APH1B: variants seen among roughly 807,000 people sequenced by gnomAD.
APH1B encodes the protein aph-1B gamma-secretase subunit.
A neutral mutation model predicts 28.2 loss-of-function variants in APH1B; 27 were observed. The ratio of observed to expected loss-of-function variants is 0.96; its 90% CI spans 0.70 to 1.32. The LOEUF is 1.32. Ranked by LOEUF, APH1B falls within the 40% of genes most tolerant of loss-of-function variation. The probability of loss-of-function intolerance (pLI) is 0.00; values close to 1 mark genes in which losing one functional copy is unlikely to be tolerated. For synonymous variants in APH1B, 141 were observed against 124.6 expected (o/e 1.13, Z -0.88); for missense variants, 305 against 313.6 (o/e 0.97, Z 0.21).
intron 2 of APH1B, among the ~76,000 whole-genome samples, chr15:63,281,458 G>A (rs2038386694): frequency 6.7e-6 from 1 of 148,890 alleles, no homozygotes; most frequent in South Asian, 2.1e-4. Flanking sequence ...TCACAGCTCA[G>A]CCTCACATTG....
chr15:63,288,373 T>G (rs1458843278), intron 4 of APH1B, among the ~76,000 whole-genome samples: 1 of 152,198 alleles, frequency 6.6e-6, no homozygotes, highest in Non-Finnish European at 1.5e-5. Context: ...TTTTAAAAAT[T>G]TCTGCAGTAG....
At chr15:63,285,992 AG>A (rs1216524303) in intron 2 of APH1B, among the ~76,000 whole-genome samples, 4 of 152,250 alleles carry the variant, frequency 2.6e-5, no homozygotes, top group African/African-American at 7.2e-5. Flanking sequence ...TTTAAGAATA[AG>A]GAGAGATTAG....
chr15:63,284,218 C>CTT (rs34480156), intron 2 of APH1B, among the ~76,000 whole-genome samples: 132 of 138,140 alleles, frequency 9.6e-4, no homozygotes, highest in East Asian at 3.7e-3. Context: ...ATGTGCTTTG[C>CTT]TTTTTTTTTT....
At chr15:63,295,482 A>T (rs752496434) in intron 4 of APH1B, among the ~76,000 whole-genome samples, 1 of 152,220 alleles carries the variant, frequency 6.6e-6, no homozygotes, top group Non-Finnish European at 1.5e-5. Flanking sequence ...AATGTGCTAC[A>T]TATAGAAAAA....
rs754909337 is a variant in APH1B at position 63,305,728 on chromosome 15, T to C, written c.721T>C (p.Cys241Arg). The stretch of plus-strand genomic sequence containing the variant: ...AGGCAGCTGCCGAAGCCTGAAACTC[T>C]GCCTGCTCTGCCAAGACAAGAACTT... ...AGGSCRSLKLCLLCQDKNFLL... is the reference protein window; with the variant it reads ...AGGSCRSLKLRLLCQDKNFLL... Residue 241 changes from cysteine (C) to arginine (R), a missense_variant, in exon 6 of 6, where the codon TGC becomes CGC. Physicochemically the swap from Cys to Arg is radical, Grantham distance 180. Transcript: ENST00000261879. The C allele has an allele frequency of 1.2e-6, 2 of 1,614,234 alleles. No individual in the cohort carries two copies. The highest frequency in any genetic ancestry group is 3.3e-5 in the Admixed American group (2 of 60,028).
intron 5 of APH1B, 31 bp downstream of exon 5, chr15:63,302,503 T>G (rs2038643531): frequency 6.2e-7 from 1 of 1,603,384 alleles, no homozygotes; most frequent in Non-Finnish European, 8.5e-7. Context: ...CAGACTGTAT[T>G]CTGGAACTCA....
rs1387623645 is a variant in APH1B, at chr15:63,287,509, C to T, written c.441C>T (p.Gly147=). The part of the protein sequence containing the change: ...LSDSLGPGTV[G]IHGDSPQFFL... ...ACTCCTTGGGGCCAGGCACAGTGGG[C>T]ATTCATGGAGATTCTCCTCAATTCT... Residue 147 remains glycine, a synonymous_variant, in exon 4 of 6, where the codon GGC becomes GGT. Coordinates refer to ENST00000261879, the MANE Select transcript of APH1B (RefSeq NM_031301.4). 6.2e-7 allele frequency: 1 copy of T among 1,613,930 alleles called. No individual in the cohort carries two copies.
At chr15:63,280,679 G>C (rs575456999) in intron 2 of APH1B, among the ~76,000 whole-genome samples, 1 of 152,258 alleles carries the variant, frequency 6.6e-6, no homozygotes, top group South Asian at 2.1e-4. Flanking sequence ...ATTCCCATTA[G>C]TACCTGGAAA....
intron 2 of APH1B, among the ~76,000 whole-genome samples, chr15:63,283,854 A>G (rs1238612888): frequency 6.6e-6 from 1 of 152,058 alleles, no homozygotes; most frequent in Non-Finnish European, 1.5e-5. Flanking sequence ...ACTCATTTTT[A>G]GTTTTTATAT....
intron 4 of APH1B, among the ~76,000 whole-genome samples, chr15:63,291,262 G>C (rs1307010959): frequency 1.3e-5 from 2 of 152,008 alleles, no homozygotes; most frequent in South Asian, 4.2e-4. Context: ...ATAGAATCTG[G>C]GTTTTTCATT....
At chr15:63,287,850 A>G (rs775623144) in intron 4 of APH1B, among the ~76,000 whole-genome samples, 5 of 152,112 alleles carry the variant, frequency 3.3e-5, no homozygotes, top group Non-Finnish European at 7.4e-5. Flanking sequence ...GGTTTTTATG[A>G]TTTTATGTTA....
intron 4 of APH1B, among the ~76,000 whole-genome samples, 163 bp from the exon 5 acceptor site, chr15:63,302,182 C>T (rs529527043): frequency 1.3e-5 from 2 of 152,242 alleles, no homozygotes; most frequent in Admixed American, 6.5e-5. Context: ...TCCCCTGTTC[C>T]GCAGTGTTGC....
In APH1B at chr15:63,308,816, C is replaced by G. The variant is rs2038713357; in HGVS notation, c.*3035C>G. 6.6e-6 allele frequency: 1 copy of G among 152,176 alleles called. No individual in the cohort carries two copies. The highest frequency in any genetic ancestry group is 2.4e-5 in the African/African-American group (1 of 41,430). The allele number at this position is 152,176 out of a possible 1,614,324, so 9.4% of individuals were successfully genotyped here. ...TGTTAGCTCAGTTTTTTTCTGGGCTCCACCATTCCTAACTCCAGGTAGACA... is the reference window on the plus strand; with the variant it reads ...TGTTAGCTCAGTTTTTTTCTGGGCTGCACCATTCCTAACTCCAGGTAGACA... On this transcript the variant is annotated 3_prime_UTR_variant, in exon 6 of 6. Coordinates refer to ENST00000261879, the MANE Select transcript of APH1B (RefSeq NM_031301.4).
chr15:63,281,855 A>T (rs2038392606), intron 2 of APH1B, among the ~76,000 whole-genome samples: 1 of 152,104 alleles, frequency 6.6e-6, no homozygotes, highest in Non-Finnish European at 1.5e-5. Flanking sequence ...GAGTAGGACC[A>T]CATGAGGAAG....
At chr15:63,288,906 A>G (rs993618368) in intron 4 of APH1B, among the ~76,000 whole-genome samples, 25 of 152,210 alleles carry the variant, frequency 1.6e-4, no homozygotes, top group African/African-American at 4.8e-4. Flanking sequence ...TTTCATATAC[A>G]GTTAACACGG....
At chr15:63,293,584 G>A (rs1441400820) in intron 4 of APH1B, among the ~76,000 whole-genome samples, 10 of 151,024 alleles carry the variant, frequency 6.6e-5, no homozygotes, top group Admixed American at 2.6e-4. Context: ...TGCAACCTCC[G>A]CCTTCCAGGT....
At chr15:63,301,251 C>T (rs1366114757) in intron 4 of APH1B, among the ~76,000 whole-genome samples, 1 of 152,222 alleles carries the variant, frequency 6.6e-6, no homozygotes, top group East Asian at 1.9e-4. Context: ...GCAAATTCCT[C>T]TTTAATTTGT....
chr15:63,297,537 G>GA (rs572437040), intron 4 of APH1B, among the ~76,000 whole-genome samples: 1 of 151,364 alleles, frequency 6.6e-6, no homozygotes, highest in Non-Finnish European at 1.5e-5. Flanking sequence ...TCTCAGAAAA[G>GA]AAAAAAAAGA....
At chr15:63,280,862 A>G (rs1309278583) in intron 2 of APH1B, among the ~76,000 whole-genome samples, 1 of 152,162 alleles carries the variant, frequency 6.6e-6, no homozygotes, top group Middle Eastern at 3.2e-3. Flanking sequence ...AACCACATCT[A>G]CCTCTGCTGG....
Sources: gnomAD v4.1 joint callset for allele counts (sites outside exome capture counted in the v4.1 genomes callset) on GRCh38, gnomAD v4.1.1 for gene constraint, MANE v1.5 for transcripts, NCBI Gene and HGNC (gene_info 2026-07-23, HGNC 2026-07-21) for gene names.